The following HOXA3 variants were observed in gnomAD, a reference collection of about 807,000 sequenced individuals.
HOXA3 encodes homeobox A3.
Under a neutral mutation model 30.3 loss-of-function variants are expected in HOXA3, and 8 were observed. That is an observed-to-expected ratio of 0.26 (90% confidence interval 0.15 to 0.48). The LOEUF (loss-of-function observed/expected upper bound fraction) is 0.48. Among genes scored for constraint, HOXA3 ranks in the 20% least tolerant of loss-of-function variants. The pLI, the probability that HOXA3 is intolerant of heterozygous loss-of-function variation, is 0.99. For missense variants in HOXA3, 653 were observed against 614.4 expected, an observed-to-expected ratio of 1.06 and a Z score of -0.66; for synonymous variants, 323 against 273.1, an observed-to-expected ratio of 1.18 and a Z score of -1.80.
chr7:27,123,045 T>C (rs971764355), intron 3 of HOXA3: 1 of 152,236 alleles, frequency 6.6e-6, no homozygotes, highest in African/African-American at 2.4e-5. Flanking sequence ...AGAATGTGAA[T>C]GCTTGCTTTA....
rs1236706998 is a variant in HOXA3, at chr7:27,140,153, T to C, written c.-460A>G. On this transcript the variant is annotated 5_prime_UTR_variant, in exon 2 of 6. Coordinates refer to ENST00000612286, the MANE Select transcript of HOXA3 (RefSeq NM_153631.3). Reference sequence around the variant, plus strand: ...GGTTTGGACACTTCTGGACCTAAAATTGACAGTTTGAATGGCCAGGCGGCA... The same window carrying C: ...GGTTTGGACACTTCTGGACCTAAAACTGACAGTTTGAATGGCCAGGCGGCA... 1 of 152,132 alleles carries C rather than the reference T, an allele frequency of 6.6e-6. No individual in the cohort carries two copies. Among genetic ancestry groups the C allele is most frequent in the African/African-American group, 2.4e-5 (1 of 41,414 alleles). The allele number at this position is 152,132 out of a possible 1,614,324, so 9.4% of individuals were successfully genotyped here. A position where few individuals can be genotyped will look rare whatever the true frequency, so the allele number is the denominator to read the frequency against.
chr7:27,129,145 AGGGGT>A (rs1785403371), intron 2 of HOXA3: 2 of 867,500 alleles, frequency 2.3e-6, no homozygotes, highest in African/African-American at 3.3e-5. Flanking sequence ...CCAGATGGGG[AGGGGT>A]GGATGAGGAA....
rs750242978 is a variant in HOXA3 at position 27,108,726 on chromosome 7, A to T, written c.527-6T>A. On this transcript the variant is annotated splice_region_variant and splice_polypyrimidine_tract_variant and intron_variant, in intron 5 of 5. Transcript: ENST00000612286. The surrounding 1 kb of genome is among the most constrained non-coding windows in gnomAD (Gnocchi z 5.0). ...GTCGCCAGCGCAGCTTTCGCCTGCG[A>T]GGACAGAGAGAGGAAGAGCGGCGTC... 5.0e-6 allele frequency: 8 copies of T among 1,585,770 alleles called. No homozygotes were observed. Among genetic ancestry groups the T allele is most frequent in the Non-Finnish European group, 6.9e-6 (8 of 1,164,026 alleles).
intron 2 of HOXA3, among the ~76,000 whole-genome samples, chr7:27,137,376 C>T (rs571903018): frequency 1.3e-5 from 2 of 152,312 alleles, no homozygotes; most frequent in Admixed American, 6.5e-5. Context: ...AATATTGTCT[C>T]TTCAGCTTGT....
At chr7:27,132,067 C>G (rs1050999560) in intron 2 of HOXA3, among the ~76,000 whole-genome samples, 1 of 152,138 alleles carries the variant, frequency 6.6e-6, no homozygotes, top group African/African-American at 2.4e-5. Flanking sequence ...AATACTGATG[C>G]CTTATTTGTG....
Position 27,152,314 on chromosome 7 carries a change from C to A in HOXA3, c.-520G>T. ...TTCAGACGGTGGCTCCCAGAAGCTC[C>A]TGCCCCTCTGACAGCTGTCGCTTGG... On this transcript the variant is annotated 5_prime_UTR_variant, in exon 1 of 6. The change creates a new upstream start codon in the 5' untranslated region. Transcript: ENST00000612286. The A allele has an allele frequency of 7.8e-7, 1 of 1,274,976 alleles. No individual in the cohort carries two copies. Among genetic ancestry groups the A allele is most frequent in the Non-Finnish European group, 1.0e-6 (1 of 981,592 alleles). 79.0% of individuals were successfully genotyped at this position (1,274,976 alleles called of 1,614,324 possible).
At chr7:27,114,085 G>A (rs1784540389) in intron 4 of HOXA3, 1 of 151,864 alleles carries the variant, frequency 6.6e-6, no homozygotes, top group South Asian at 2.1e-4. Flanking sequence ...AGACCAAGGC[G>A]GCTGGGGAAG....
At chr7:27,139,062 T>C (rs1258799501) in intron 2 of HOXA3, among the ~76,000 whole-genome samples, 1 of 152,132 alleles carries the variant, frequency 6.6e-6, no homozygotes, top group Non-Finnish European at 1.5e-5. Context: ...AGTTGCCTTC[T>C]GAGGGTCCTG....
chr7:27,129,380 A>C, intron 2 of HOXA3: 1 of 1,614,050 alleles, frequency 6.2e-7, no homozygotes, highest in East Asian at 2.2e-5. Context: ...TCTTTCTTCC[A>C]CTTCATCCTC....
At position 27,108,829 on chromosome 7, in the gene HOXA3, C is replaced by G; in HGVS notation, c.527-109G>C. On this transcript the variant is annotated intron_variant, in intron 5 of 5. Coordinates refer to ENST00000612286, the MANE Select transcript of HOXA3 (RefSeq NM_153631.3). The surrounding 1 kb of genome is among the most constrained non-coding windows in gnomAD (Gnocchi z 5.0). ...ACCAGGCCCCAAAGGTTCCTGCATC[C>G]GTCAGGTCCCAGAGAGAAGTAGGAA... 2 of 768,678 alleles carry G rather than the reference C, an allele frequency of 2.6e-6. No individual in the cohort carries two copies. The highest frequency in any genetic ancestry group is 2.7e-5 in the East Asian group (1 of 37,476). The allele number at this position is 768,678 out of a possible 1,614,324, so 47.6% of individuals were successfully genotyped here. A position where few individuals can be genotyped will look rare whatever the true frequency, so the allele number is the denominator to read the frequency against.
intron 3 of HOXA3, among the ~76,000 whole-genome samples, chr7:27,126,219 T>C (rs751130931): frequency 8.5e-5 from 13 of 152,214 alleles, no homozygotes; most frequent in Non-Finnish European, 1.5e-4. Context: ...ACCATTAAAG[T>C]GTCTCCTATC....
intron 2 of HOXA3, among the ~76,000 whole-genome samples, chr7:27,139,066 G>C (rs896709509): frequency 6.6e-6 from 1 of 152,162 alleles, no homozygotes; most frequent in East Asian, 1.9e-4. Context: ...GCCTTCTGAG[G>C]GTCCTGTGCG....
At chr7:27,150,826 G>T (rs1782945552) in intron 1 of HOXA3, 1 of 152,464 alleles carries the variant, frequency 6.6e-6, no homozygotes, top group Admixed American at 6.5e-5. Context: ...GAGATTTCCC[G>T]GCCATATAGG....
chr7:27,131,494 G>C (rs1418373553), intron 2 of HOXA3, among the ~76,000 whole-genome samples: 1 of 152,212 alleles, frequency 6.6e-6, no homozygotes, highest in Non-Finnish European at 1.5e-5. Flanking sequence ...TAACTGGATG[G>C]ACACTTTTCA....
intron 2 of HOXA3, chr7:27,130,259 CCTCG>C: frequency 3.4e-6 from 4 of 1,193,990 alleles, no homozygotes; most frequent in Non-Finnish European, 4.2e-6. Context: ...GCGGGGGCCG[CCTCG>C]CAGCGCCGCG....
chr7:27,135,493 T>C (rs540717301), intron 2 of HOXA3, among the ~76,000 whole-genome samples: 99 of 152,312 alleles, frequency 6.5e-4, no homozygotes, highest in African/African-American at 2.2e-3. Context: ...TTCCACTTCC[T>C]TCCTTCCCCT....
intron 1 of HOXA3, among the ~76,000 whole-genome samples, chr7:27,142,425 C>G (rs1461907893): frequency 6.6e-6 from 1 of 152,194 alleles, no homozygotes; most frequent in African/African-American, 2.4e-5. Flanking sequence ...ACCCAGGAAG[C>G]AAGGCCCTTT....
At chr7:27,150,328 G>C (rs1367052632) in intron 1 of HOXA3, 2 of 152,336 alleles carry the variant, frequency 1.3e-5, no homozygotes, top group South Asian at 2.1e-4. Context: ...CTCTCCAAGG[G>C]GGGCAGGACG....
chr7:27,130,478 C>G, intron 2 of HOXA3: 1 of 1,260,720 alleles, frequency 7.9e-7, no homozygotes, highest in South Asian at 2.8e-5. Flanking sequence ...AGCGCGGCAG[C>G]AGGGTAGGCG....
Sources: allele counts gnomAD v4.1 joint callset (sites outside exome capture counted in the v4.1 genomes callset), GRCh38; gene constraint gnomAD v4.1.1; non-coding constraint Gnocchi (gnomAD v3.1); transcripts MANE v1.5; gene names NCBI Gene and HGNC (gene_info 2026-07-23, HGNC 2026-07-21).